The following ABCG1 variants were observed in gnomAD, a reference collection of about 807,000 sequenced individuals.
The protein encoded by ABCG1 is ATP binding cassette subfamily G member 1.
Under a neutral mutation model 69.2 loss-of-function variants are expected in ABCG1, and 29 were observed. That is an observed-to-expected ratio of 0.42 (90% CI 0.31 to 0.57). The LOEUF (loss-of-function observed/expected upper bound fraction) is 0.57, where lower values mean the gene tolerates loss of function less well. Among genes scored for constraint, ABCG1 ranks in the 20% least tolerant of loss-of-function variants. The pLI is 0.15. For synonymous variants in ABCG1, 370 were observed against 374.8 expected, an observed-to-expected ratio of 0.99 and a Z score of 0.15; for missense variants, 718 against 898.1, an observed-to-expected ratio of 0.80 and a Z score of 2.56.
At chr21:42,243,491 C>T (rs3787978) in intron 2 of ABCG1, among the ~76,000 whole-genome samples, 27,883 of 121,266 alleles carry the variant, frequency 0.23, 2,769 homozygotes, top group Middle Eastern at 0.34. Context: ...TGTGTGTGTG[C>T]GCTGGTTTAT....
rs149389508 is a variant in ABCG1 at position 42,273,808 on chromosome 21, G to A, written c.537+373G>A. On this transcript the variant is annotated intron_variant, in intron 4 of 14. Transcript: ENST00000398449. This position sits in a 1 kb window ranked among gnomAD's most constrained non-coding sequence, Gnocchi z 5.3. ...CTGTCAGCTATCCTTGAGTCTTTCCGTGTCTTTGGCCCAAGCACCCACTCG... is the reference window on the plus strand; with the variant it reads ...CTGTCAGCTATCCTTGAGTCTTTCCATGTCTTTGGCCCAAGCACCCACTCG... Among the ~76,000 whole-genome samples the A allele has an allele frequency of 3.6e-4, 55 of 152,250 alleles. No individual in the cohort carries two copies. In the East Asian group the frequency reaches 0.011, roughly 29 times the overall value.
At chr21:42,256,627 A>G (rs1017080449) in intron 2 of ABCG1, 7 of 1,495,974 alleles carry the variant, frequency 4.7e-6, no homozygotes, top group Non-Finnish European at 6.3e-6. Context: ...GTCAGCTCTC[A>G]GAGTGCTGGG....
chr21:42,269,950 T>C (rs953841150), intron 2 of ABCG1, among the ~76,000 whole-genome samples: 1 of 152,160 alleles, frequency 6.6e-6, no homozygotes, highest in African/African-American at 2.4e-5. Context: ...TAACAGTGGA[T>C]TCTGATCTGA....
chr21:42,230,277 A>T (rs3787968), intron 2 of ABCG1, among the ~76,000 whole-genome samples: 1 of 152,042 alleles, frequency 6.6e-6, no homozygotes, highest in Non-Finnish European at 1.5e-5. Flanking sequence ...TCCTAGCAGA[A>T]AACATAATTG....
At chr21:42,210,912 A>C (rs1296557346) in intron 2 of ABCG1, among the ~76,000 whole-genome samples, 1 of 152,146 alleles carries the variant, frequency 6.6e-6, no homozygotes, top group Non-Finnish European at 1.5e-5. Context: ...GAGTGCCAGC[A>C]AAATAGGAAA....
At chr21:42,294,855 A>C in intron 14 of ABCG1, 195 bp downstream of exon 14, 4 of 562,442 alleles carry the variant, frequency 7.1e-6, no homozygotes, top group Non-Finnish European at 3.2e-6. Context: ...CACACTAAAC[A>C]AGGAGGCCAC....
At position 42,219,543 on chromosome 21, in the gene ABCG1, G is replaced by A; in HGVS notation, c.42+239G>A. On this transcript the variant is annotated intron_variant, in intron 1 of 14. Coordinates refer to ENST00000398449, the MANE Select transcript of ABCG1 (RefSeq NM_016818.3). This position sits in a 1 kb window ranked among gnomAD's most constrained non-coding sequence, Gnocchi z 5.3. Reference sequence around the variant, plus strand: ...CAGAGAGCACGGACTAGGTGGAGGGGCCGGGAGTGGGGCGGGGGCAGCGAG... The same window carrying A: ...CAGAGAGCACGGACTAGGTGGAGGGACCGGGAGTGGGGCGGGGGCAGCGAG... Among the ~76,000 whole-genome samples, 1 of 152,184 alleles carries A rather than the reference G, an allele frequency of 6.6e-6. No individual in the cohort carries two copies. The highest frequency in any genetic ancestry group is 1.9e-4 in the East Asian group (1 of 5,174).
chr21:42,260,974 A>G (rs1239599829), intron 2 of ABCG1, among the ~76,000 whole-genome samples: 1 of 152,106 alleles, frequency 6.6e-6, no homozygotes, highest in African/African-American at 2.4e-5. Context: ...GGCGCCAGCC[A>G]CCACACCCGG....
At chr21:42,243,994 A>AT (rs1282707709) in intron 2 of ABCG1, among the ~76,000 whole-genome samples, 2 of 150,836 alleles carry the variant, frequency 1.3e-5, no homozygotes, top group African/African-American at 2.4e-5. Context: ...AATTTTTTGT[A>AT]TTTTTTAGTA....
At position 42,282,363 on chromosome 21, in the gene ABCG1, C is replaced by G. The variant is rs2068827490; in HGVS notation, c.678C>G (p.Ala226=). 1.9e-6 allele frequency: 3 copies of G among 1,613,908 alleles called. No individual in the cohort carries two copies. In the East Asian group the frequency reaches 6.7e-5, roughly 36 times the overall value. The change falls in exon 6 of 15, where the codon GCC becomes GCG. Residue 226 remains alanine (A), a synonymous_variant. Coordinates refer to ENST00000398449, the MANE Select transcript of ABCG1 (RefSeq NM_016818.3). Reference sequence around the variant, plus strand: ...CAGGTGGTCAGCGCAAGCGCCTGGCCATCGCGCTGGAGCTGGTGAACAACC... The same window carrying G: ...CAGGTGGTCAGCGCAAGCGCCTGGCGATCGCGCTGGAGCTGGTGAACAACC... The part of the protein sequence containing the change: ...SLSGGQRKRL[A]IALELVNNPP...
At position 42,288,354 on chromosome 21, in the gene ABCG1, G is replaced by A. The variant is rs776150101; in HGVS notation, c.1224+42G>A. On this transcript the variant is annotated intron_variant, in intron 10 of 14. Coordinates refer to ENST00000398449, the MANE Select transcript of ABCG1 (RefSeq NM_016818.3). The surrounding 1 kb of genome is among the most constrained non-coding windows in gnomAD (Gnocchi z 4.8). ...CTTCTCCTGTAGCTGGGGAACCCGT[G>A]GGTCATTTTCTCAGACTCGTCCTGA... is the stretch of plus-strand genomic sequence containing the variant. 2.0e-6 allele frequency: 3 copies of A among 1,485,890 alleles called. No homozygotes were observed. Among genetic ancestry groups the A allele is most frequent in the Non-Finnish European group, 2.8e-6 (3 of 1,065,958 alleles). 92.0% of individuals were successfully genotyped at this position (1,485,890 alleles called of 1,614,324 possible). A position where few individuals can be genotyped will look rare whatever the true frequency, so the allele number is the denominator to read the frequency against.
chr21:42,242,720 A>G (rs1427874700), intron 2 of ABCG1, among the ~76,000 whole-genome samples: 1 of 152,150 alleles, frequency 6.6e-6, no homozygotes. Flanking sequence ...TCCACATCCC[A>G]GTCCTTTAGA....
chr21:42,289,590 C>T (rs7275482), intron 10 of ABCG1, among the ~76,000 whole-genome samples: 34,550 of 152,078 alleles, frequency 0.23, 4,064 homozygotes, highest in African/African-American at 0.29. Flanking sequence ...TGGCCACCTA[C>T]TTAGGAGCGG....
At chr21:42,203,602 T>C (rs1177565369) in intron 2 of ABCG1, among the ~76,000 whole-genome samples, 2 of 152,256 alleles carry the variant, frequency 1.3e-5, no homozygotes, top group African/African-American at 4.8e-5. Context: ...TCTGTTCCAT[T>C]GGTCTTTGCG....
chr21:42,245,194 GA>G (rs143631151), intron 2 of ABCG1, among the ~76,000 whole-genome samples: 2,536 of 152,254 alleles, frequency 0.017, 71 homozygotes, highest in African/African-American at 0.055. Flanking sequence ...AGGGTGATAT[GA>G]ACTTCTGCAT....
At chr21:42,280,165 T>A (rs2068781903) in intron 5 of ABCG1, among the ~76,000 whole-genome samples, 1 of 152,212 alleles carries the variant, frequency 6.6e-6, no homozygotes, top group Non-Finnish European at 1.5e-5. Context: ...CACAGGTGCA[T>A]GCCTCGCCAT....
At chr21:42,203,096 G>GA (rs111542182) in intron 2 of ABCG1, among the ~76,000 whole-genome samples, 4 of 152,082 alleles carry the variant, frequency 2.6e-5, no homozygotes, top group African/African-American at 9.6e-5. Flanking sequence ...TCCACGGGCA[G>GA]AAAAAAAGAA....
At chr21:42,290,019 C>A (rs371931120) in intron 10 of ABCG1, 31 bp from the exon 11 acceptor site, 1 of 1,614,156 alleles carries the variant, frequency 6.2e-7, no homozygotes, top group Non-Finnish European at 8.5e-7. Flanking sequence ...GCTTTGCGAA[C>A]GCACTGGGTA....
At chr21:42,243,447 CGTGTGT>C (rs869095111) in intron 2 of ABCG1, among the ~76,000 whole-genome samples, 1,875 of 81,490 alleles carry the variant, frequency 0.023, 19 homozygotes, top group Admixed American at 0.028. Flanking sequence ...TGTGTGTGCG[CGTGTGT>C]GTGTGTGTGT....
Sources: allele counts gnomAD v4.1 joint callset (sites outside exome capture counted in the v4.1 genomes callset), GRCh38; gene constraint gnomAD v4.1.1; non-coding constraint Gnocchi (gnomAD v3.1); transcripts MANE v1.5; gene names NCBI Gene and HGNC (gene_info 2026-07-23, HGNC 2026-07-21).